DPT: variants seen among roughly 807,000 people sequenced by gnomAD.
DPT encodes the protein tyrosine-rich acidic matrix protein.
In DPT, 21 loss-of-function variants were observed where a neutral mutation model predicts 31.2. That is an observed-to-expected ratio of 0.67 (90% confidence interval 0.48 to 0.97). The LOEUF is 0.97. Ranked by LOEUF, DPT falls within the 50% of genes least tolerant of loss-of-function variation. The probability of loss-of-function intolerance (pLI) is 0.00; values close to 1 mark genes in which losing one functional copy is unlikely to be tolerated. For missense variants in DPT, 262 were observed against 258.8 expected, an observed-to-expected ratio of 1.01 and a Z score of -0.08; for synonymous variants, 91 against 86.9, an observed-to-expected ratio of 1.05 and a Z score of -0.26.
intron 1 of DPT, among the ~76,000 whole-genome samples, chr1:168,721,431 T>C (rs566011240): frequency 1.8e-4 from 28 of 152,336 alleles, no homozygotes; most frequent in Admixed American, 3.9e-4. Flanking sequence ...TCATAGTTAT[T>C]ACTACCATGA....
At chr1:168,707,837 C>T (rs1649757699) in intron 2 of DPT, among the ~76,000 whole-genome samples, 1 of 152,128 alleles carries the variant, frequency 6.6e-6, no homozygotes. Context: ...TGTAAGTTTC[C>T]TGAGGCCTCC....
intron 2 of DPT, among the ~76,000 whole-genome samples, chr1:168,709,645 G>A (rs1649806586): frequency 6.6e-6 from 1 of 152,208 alleles, no homozygotes; most frequent in Non-Finnish European, 1.5e-5. Flanking sequence ...CACAAACGCA[G>A]GCGCTAGATA....
intron 1 of DPT, among the ~76,000 whole-genome samples, chr1:168,724,593 G>A (rs1650194684): frequency 1.3e-5 from 2 of 152,060 alleles, no homozygotes; most frequent in South Asian, 4.2e-4. Flanking sequence ...AGGAAACAAA[G>A]CAGGCTGAGG....
intron 2 of DPT, among the ~76,000 whole-genome samples, chr1:168,708,462 C>T (rs1316721034): frequency 6.6e-6 from 1 of 152,190 alleles, no homozygotes; most frequent in South Asian, 2.1e-4. Flanking sequence ...ATATAAGTTC[C>T]TTTAAATTGA....
chr1:168,728,808 C>T (rs941796969), intron 1 of DPT, 62 bp downstream of exon 1: 12 of 1,572,104 alleles, frequency 7.6e-6, no homozygotes, highest in Non-Finnish European at 9.5e-6. Context: ...CTAGCAGCCC[C>T]CAGGAGGAGG....
chr1:168,716,698 C>A (rs912515155), intron 1 of DPT, among the ~76,000 whole-genome samples: 1 of 152,152 alleles, frequency 6.6e-6, no homozygotes, highest in Non-Finnish European at 1.5e-5. Context: ...AATGCTCTCC[C>A]TCTCCTCACA....
intron 2 of DPT, among the ~76,000 whole-genome samples, chr1:168,707,651 A>C (rs913727593): frequency 1.3e-5 from 2 of 152,196 alleles, no homozygotes; most frequent in Non-Finnish European, 2.9e-5. Flanking sequence ...ATGTCATGGA[A>C]GAGACCCAGT....
chr1:168,724,960 T>C (rs1650205911), intron 1 of DPT, among the ~76,000 whole-genome samples: 3 of 152,188 alleles, frequency 2.0e-5, no homozygotes, highest in African/African-American at 7.2e-5. Flanking sequence ...AAAAAGTAGA[T>C]ACCAATAAAT....
Position 168,729,065 on chromosome 1 carries a change from C to T in DPT, c.110G>A (p.Gly37Glu), listed in dbSNP as rs565275697. Residue 37 changes from glycine to glutamate, a missense_variant, in exon 1 of 4, where the codon GGG becomes GAG. Coordinates refer to ENST00000367817, the MANE Select transcript of DPT (RefSeq NM_001937.5). ...YQQYHDYSDD[G>E]WVNLNRQGFS... ...GCCTTGCCGGTTCAAATTCACCCAC[C>T]CATCATCGCTGTAGTCATGATACTG... 3 of 1,614,232 alleles carry T rather than the reference C, an allele frequency of 1.9e-6. No individual in the cohort carries two copies. Among genetic ancestry groups the T allele is most frequent in the South Asian group, 2.2e-5 (2 of 91,084 alleles).
chr1:168,705,534 C>T (rs1170917029), intron 2 of DPT, among the ~76,000 whole-genome samples: 1 of 152,174 alleles, frequency 6.6e-6, no homozygotes, highest in African/African-American at 2.4e-5. Context: ...CCTGAGGAAG[C>T]CATACTTCAG....
chr1:168,699,280 A>C (rs1295614680), intron 3 of DPT, among the ~76,000 whole-genome samples: 1 of 152,166 alleles, frequency 6.6e-6, no homozygotes, highest in African/African-American at 2.4e-5. Flanking sequence ...GCCCTGCTAA[A>C]TGACAACCCA....
intron 1 of DPT, among the ~76,000 whole-genome samples, chr1:168,716,715 C>A (rs1453081099): frequency 6.6e-6 from 1 of 152,098 alleles, no homozygotes; most frequent in African/African-American, 2.4e-5. Context: ...CACACTCTAC[C>A]CCCGACTGGT....
chr1:168,715,648 C>G (rs1649965946), intron 1 of DPT, among the ~76,000 whole-genome samples: 1 of 152,250 alleles, frequency 6.6e-6, no homozygotes, highest in South Asian at 2.1e-4. Context: ...AACATTTCTT[C>G]TGCTTAACAG....
chr1:168,726,538 G>A (rs1216735747), intron 1 of DPT, among the ~76,000 whole-genome samples: 1 of 152,236 alleles, frequency 6.6e-6, no homozygotes, highest in Non-Finnish European at 1.5e-5. Flanking sequence ...GGAGGGCTGA[G>A]CGTCTGGGCC....
In DPT at chr1:168,729,147, G is replaced by A. The variant is rs746741053; in HGVS notation, c.28C>T (p.Leu10=). The change falls in exon 1 of 4, where the codon CTG becomes TTG. Residue 10 remains leucine (L), a synonymous_variant. Transcript: ENST00000367817. The part of the protein sequence containing the change: MDLSLLWVL[L]PLVTMAWGQY... ...CCCCAGGCCATGGTGACTAGGGGCA[G>A]AAGTACCCAGAGAAGACTGAGGTCC... 2.5e-6 allele frequency: 4 copies of A among 1,613,970 alleles called. No individual in the cohort carries two copies. The African/African-American group carries it at 4.0e-5, about 16-fold the overall frequency.
At chr1:168,700,731 G>T (rs780128874) in intron 3 of DPT, among the ~76,000 whole-genome samples, 4 of 152,244 alleles carry the variant, frequency 2.6e-5, no homozygotes, top group Non-Finnish European at 5.9e-5. Context: ...AGCTCCATGA[G>T]GTGAGCTCAT....
chr1:168,711,670 C>T (rs77100748), intron 2 of DPT, among the ~76,000 whole-genome samples: 24,815 of 152,190 alleles, frequency 0.16, 2,655 homozygotes, highest in Non-Finnish European at 0.22. Flanking sequence ...CTAGGTTGTT[C>T]CTGGGCAGAG....
At chr1:168,719,110 C>T (rs965587326) in intron 1 of DPT, among the ~76,000 whole-genome samples, 6 of 152,188 alleles carry the variant, frequency 3.9e-5, no homozygotes, top group Non-Finnish European at 1.5e-5. Flanking sequence ...AGTGACCCGA[C>T]TATGTCCCAT....
Position 168,701,104 on chromosome 1 carries a change from C to T in DPT, c.452G>A (p.Gly151Asp), listed in dbSNP as rs1190706651. The change falls in exon 3 of 4, where the codon GGT (glycine) becomes GAT (aspartate). Residue 151 changes from glycine (G) to aspartate (D), a missense_variant. Physicochemically the swap from Gly to Asp is moderately conservative, Grantham distance 94 (BLOSUM62 -1). Transcript: ENST00000367817. ...YSCWLTTEYP[G>D]HYGEEMDMIS... The stretch of plus-strand genomic sequence containing the variant: ...CATGTCCATTTCCTCACCATAGTGA[C>T]CTGGATATTCTGTTGTTAGCCTATG... 2 of 1,613,482 alleles carry T rather than the reference C, an allele frequency of 1.2e-6. No individual in the cohort carries two copies. The highest frequency in any genetic ancestry group is 1.1e-5 in the South Asian group (1 of 91,028).
Sources: allele counts gnomAD v4.1 joint callset (sites outside exome capture counted in the v4.1 genomes callset), GRCh38; gene constraint gnomAD v4.1.1; transcripts MANE v1.5; gene names NCBI Gene and HGNC (gene_info 2026-07-23, HGNC 2026-07-21).